The following ADCY5 variants were observed in gnomAD, a reference collection of about 807,000 sequenced individuals.
ADCY5 encodes adenylate cyclase 5.
ADCY5 carries 30 observed loss-of-function variants against 119.7 expected under a neutral mutation model. That is an observed-to-expected ratio of 0.25 (90% CI 0.19 to 0.34). ADCY5 has a LOEUF of 0.34. ADCY5 is among the 10% of genes least tolerant of loss of function. The pLI, the probability that ADCY5 is intolerant of heterozygous loss-of-function variation, is 1.00. For missense variants in ADCY5, 1,324 were observed against 1,775.2 expected, an observed-to-expected ratio of 0.75 and a Z score of 4.57; for synonymous variants, 753 against 762.2, an observed-to-expected ratio of 0.99 and a Z score of 0.20.
At chr3:123,371,985 G>A (rs1313069695) in intron 1 of ADCY5, among the ~76,000 whole-genome samples, 12 of 152,180 alleles carry the variant, frequency 7.9e-5, no homozygotes, top group Admixed American at 7.9e-4. Context: ...TTGGGGGCTT[G>A]GGGCCCTGCC....
At chr3:123,419,068 A>G (rs764790392) in intron 1 of ADCY5, 65 of 864,692 alleles carry the variant, frequency 7.5e-5, no homozygotes, top group Non-Finnish European at 8.9e-5. Flanking sequence ...GGCATGAGCC[A>G]ATCCCCCACA....
chr3:123,415,648 G>T (rs926646009), intron 1 of ADCY5, among the ~76,000 whole-genome samples: 4 of 152,160 alleles, frequency 2.6e-5, no homozygotes, highest in African/African-American at 9.7e-5. Flanking sequence ...CAGAGAGAAG[G>T]CAGTTTAATT....
At chr3:123,287,493 C>T (rs1047578610) in intron 19 of ADCY5, among the ~76,000 whole-genome samples, 3 of 152,202 alleles carry the variant, frequency 2.0e-5, no homozygotes, top group South Asian at 2.1e-4. Context: ...TCTCCAGGCA[C>T]GGGGCATTCC....
intron 1 of ADCY5, among the ~76,000 whole-genome samples, chr3:123,355,364 G>A (rs1470596810): frequency 6.6e-6 from 1 of 152,082 alleles, no homozygotes; most frequent in African/African-American, 2.4e-5. Context: ...GTATCTACAG[G>A]TTTTGCATCT....
intron 1 of ADCY5, among the ~76,000 whole-genome samples, chr3:123,432,866 A>AAG (rs1178402532): frequency 6.6e-6 from 1 of 152,058 alleles, no homozygotes; most frequent in Non-Finnish European, 1.5e-5. Context: ...AGGCACAAGG[A>AAG]AGAGAGGTGG....
intron 5 of ADCY5, 137 bp from the exon 6 acceptor site, chr3:123,328,939 A>T (rs1294369422): frequency 6.3e-6 from 6 of 955,874 alleles, no homozygotes; most frequent in Middle Eastern, 6.2e-4. Context: ...CCTAGAGTCC[A>T]AGAACGTTCA....
intron 3 of ADCY5, among the ~76,000 whole-genome samples, chr3:123,344,652 C>T (rs1367603688): frequency 6.6e-6 from 1 of 152,120 alleles, no homozygotes; most frequent in African/African-American, 2.4e-5. Context: ...ACCACTGTGC[C>T]CCGCCCCATG....
At chr3:123,287,669 C>A (rs1177476962) in intron 19 of ADCY5, among the ~76,000 whole-genome samples, 2 of 152,312 alleles carry the variant, frequency 1.3e-5, no homozygotes, top group South Asian at 2.1e-4. Context: ...CTTCCACGAC[C>A]CTCCTCATCA....
chr3:123,317,634 C>G (rs978395271), intron 11 of ADCY5, among the ~76,000 whole-genome samples: 1 of 151,760 alleles, frequency 6.6e-6, no homozygotes, highest in Non-Finnish European at 1.5e-5. Context: ...ACTCAGGAGG[C>G]TGAGGCAGGA....
At chr3:123,396,267 GAGAGAA>G (rs1944560238) in intron 1 of ADCY5, among the ~76,000 whole-genome samples, 1 of 144,362 alleles carries the variant, frequency 6.9e-6, no homozygotes, top group African/African-American at 2.6e-5. Flanking sequence ...GGGAAGGAAG[GAGAGAA>G]AGAGAGAGAG....
At chr3:123,300,477 G>A (rs1939784361) in intron 14 of ADCY5, among the ~76,000 whole-genome samples, 182 bp from the exon 15 acceptor site, 1 of 152,228 alleles carries the variant, frequency 6.6e-6, no homozygotes, top group Non-Finnish European at 1.5e-5. Context: ...CCAGGAGATG[G>A]GCTCCAGCTG....
chr3:123,354,421 C>A (rs1024976277), intron 1 of ADCY5, among the ~76,000 whole-genome samples: 1 of 152,134 alleles, frequency 6.6e-6, no homozygotes, highest in African/African-American at 2.4e-5. Context: ...GAAGGAAGAG[C>A]CCCTAAGACC....
chr3:123,428,800 C>T (rs1185560743), intron 1 of ADCY5, among the ~76,000 whole-genome samples: 1 of 152,224 alleles, frequency 6.6e-6, no homozygotes, highest in Admixed American at 6.5e-5. Context: ...ACTCCAGACT[C>T]ACTGAATCAG....
chr3:123,287,340 C>T (rs1938847306), intron 19 of ADCY5, among the ~76,000 whole-genome samples: 3 of 152,194 alleles, frequency 2.0e-5, no homozygotes, highest in Admixed American at 2.0e-4. Context: ...CAATCTCACC[C>T]AAGGCAACGC....
intron 3 of ADCY5, among the ~76,000 whole-genome samples, chr3:123,344,183 C>A (rs1942418158): frequency 6.6e-6 from 1 of 152,234 alleles, no homozygotes; most frequent in South Asian, 2.1e-4. Context: ...GATCCAGGCC[C>A]AGCCTGTCAT....
At chr3:123,321,338 G>T (rs1048002599) in intron 8 of ADCY5, among the ~76,000 whole-genome samples, 1 of 152,146 alleles carries the variant, frequency 6.6e-6, no homozygotes. Context: ...GTAAGGCCAC[G>T]GTTGTTTGGG....
intron 1 of ADCY5, among the ~76,000 whole-genome samples, chr3:123,444,032 T>C (rs1343746108): frequency 6.6e-6 from 1 of 152,218 alleles, no homozygotes; most frequent in East Asian, 1.9e-4. Context: ...TGTGTGAGCA[T>C]GCTTGTTTTT....
intron 1 of ADCY5, among the ~76,000 whole-genome samples, chr3:123,379,607 T>G (rs1943960131): frequency 6.7e-6 from 1 of 148,708 alleles, no homozygotes; most frequent in African/African-American, 2.5e-5. Flanking sequence ...AGAGAGGAGG[T>G]GTGGAGAAGG....
chr3:123,343,572 C>A (rs1466083974), intron 3 of ADCY5, among the ~76,000 whole-genome samples: 1 of 152,168 alleles, frequency 6.6e-6, no homozygotes, highest in Non-Finnish European at 1.5e-5. Context: ...CTGTGACCCA[C>A]GTGGTATGGC....
Sources: allele counts gnomAD v4.1 joint callset (sites outside exome capture counted in the v4.1 genomes callset), GRCh38; gene constraint gnomAD v4.1.1; transcripts MANE v1.5; gene names NCBI Gene and HGNC (gene_info 2026-07-23, HGNC 2026-07-21).